The following ZDHHC20 variants were observed in gnomAD, a reference collection of about 807,000 sequenced individuals.
ZDHHC20 encodes the protein zDHHC palmitoyltransferase 20.
ZDHHC20 carries 43 observed loss-of-function variants against 57.8 expected under a neutral mutation model. The observed-to-expected ratio is 0.74, with a 90% CI of 0.58 to 0.96. The LOEUF is 0.96. Ranked by LOEUF, ZDHHC20 falls within the 40% of genes least tolerant of loss-of-function variation. The pLI is 0.00. For missense variants in ZDHHC20, 391 were observed against 441.1 expected (o/e 0.89, Z 1.02); for synonymous variants, 157 against 153.0 (o/e 1.03, Z -0.19).
intron 2 of ZDHHC20, among the ~76,000 whole-genome samples, chr13:21,424,787 A>G (rs1285043557): frequency 6.6e-6 from 1 of 151,808 alleles, no homozygotes; most frequent in East Asian, 1.9e-4. Flanking sequence ...AAGTTCTTTT[A>G]TAAGAACTTC....
At chr13:21,451,045 T>C (rs1884393252) in intron 1 of ZDHHC20, among the ~76,000 whole-genome samples, 2 of 152,236 alleles carry the variant, frequency 1.3e-5, no homozygotes, top group African/African-American at 4.8e-5. Flanking sequence ...TGAATCACCA[T>C]GCCTGGCCAA....
At chr13:21,386,610 AC>A (rs1303054781) in intron 9 of ZDHHC20, among the ~76,000 whole-genome samples, 4 of 152,170 alleles carry the variant, frequency 2.6e-5, no homozygotes, top group Admixed American at 6.5e-5. Context: ...ATGTGTTGGC[AC>A]CATCTCAGCT....
chr13:21,426,957 A>G (rs574686827), intron 1 of ZDHHC20, among the ~76,000 whole-genome samples: 1 of 152,094 alleles, frequency 6.6e-6, no homozygotes, highest in African/African-American at 2.4e-5. Flanking sequence ...TAATTATTCT[A>G]AACAAATTGT....
chr13:21,419,256 C>G (rs777717632), intron 3 of ZDHHC20, among the ~76,000 whole-genome samples: 1 of 150,268 alleles, frequency 6.7e-6, no homozygotes, highest in Admixed American at 6.6e-5. Flanking sequence ...TTATAGTTTA[C>G]TTTACCTTTT....
At chr13:21,392,634 A>G (rs1334328219) in intron 7 of ZDHHC20, among the ~76,000 whole-genome samples, 1 of 152,252 alleles carries the variant, frequency 6.6e-6, no homozygotes, top group Non-Finnish European at 1.5e-5. Flanking sequence ...AGAGCCTAGA[A>G]GAAATTAGTA....
intron 10 of ZDHHC20, chr13:21,381,842 C>G (rs536204811): frequency 1.4e-4 from 78 of 572,412 alleles, no homozygotes; most frequent in African/African-American, 1.3e-3. Flanking sequence ...TAATCAGGAG[C>G]CATAGGTAGT....
rs148393703 is a variant in ZDHHC20 at position 21,416,429 on chromosome 13, C to T, written c.250-2657G>A. Among the ~76,000 whole-genome samples, 704 of 152,144 alleles carry T rather than the reference C, an allele frequency of 4.6e-3. 5 individuals are homozygous for T. The highest frequency in any genetic ancestry group is 0.024 in the Middle Eastern group (7 of 294). On this transcript the variant is annotated intron_variant, in intron 3 of 12. Coordinates refer to ENST00000400590, the MANE Select transcript of ZDHHC20 (RefSeq NM_001330059.2). ...TATTGTCTTAAATTCAGTGTTCAGA[C>T]AGTTCTATTTAAATATATATTAAAT...
intron 3 of ZDHHC20, among the ~76,000 whole-genome samples, chr13:21,414,083 A>G (rs1879597044): frequency 2.0e-5 from 3 of 152,170 alleles, no homozygotes; most frequent in Admixed American, 6.5e-5. Flanking sequence ...ATTAGTAAAA[A>G]TTTTAGTTGT....
At chr13:21,399,341 T>C (rs1877287015) in intron 7 of ZDHHC20, among the ~76,000 whole-genome samples, 2 of 151,504 alleles carry the variant, frequency 1.3e-5, no homozygotes, top group South Asian at 4.2e-4. Context: ...CAAGATTCCG[T>C]CTCAAATAAA....
intron 1 of ZDHHC20, among the ~76,000 whole-genome samples, chr13:21,455,529 ATTAC>A (rs1363909617): frequency 6.6e-6 from 1 of 152,046 alleles, no homozygotes; most frequent in African/African-American, 2.4e-5. Flanking sequence ...AATATTACTA[ATTAC>A]TTAATCTTCG....
rs138878234 is a variant in ZDHHC20, at chr13:21,402,470, T to C, written c.440+327A>G. On this transcript the variant is annotated intron_variant, in intron 5 of 12. Coordinates refer to ENST00000400590, the MANE Select transcript of ZDHHC20 (RefSeq NM_001330059.2). ...TAACTGTGTTACTAAAAGTCAAGGA[T>C]TATCTGGGATTCCAAACTAACGATC... is the stretch of plus-strand genomic sequence containing the variant. 6.0e-3 allele frequency among the ~76,000 whole-genome samples: 914 copies of C among 152,250 alleles called. 7 individuals are homozygous for C. Among genetic ancestry groups the C allele is most frequent in the African/African-American group, 0.021 (855 of 41,536 alleles).
intron 2 of ZDHHC20, among the ~76,000 whole-genome samples, chr13:21,424,101 G>A (rs1243387159): frequency 6.6e-6 from 1 of 152,042 alleles, no homozygotes; most frequent in Admixed American, 6.6e-5. Context: ...CTTAACACGA[G>A]ACCTAGAATA....
chr13:21,419,171 T>C (rs943605586), intron 3 of ZDHHC20, among the ~76,000 whole-genome samples: 3 of 152,256 alleles, frequency 2.0e-5, no homozygotes, highest in African/African-American at 7.2e-5. Context: ...GGATAGTTTG[T>C]AACATAACTT....
At chr13:21,423,323 T>G (rs1880852500) in intron 2 of ZDHHC20, among the ~76,000 whole-genome samples, 1 of 152,230 alleles carries the variant, frequency 6.6e-6, no homozygotes, top group Admixed American at 6.5e-5. Context: ...CAAAATCTGC[T>G]CTCTCTATCC....
At chr13:21,387,058 G>T (rs1009329974) in intron 9 of ZDHHC20, among the ~76,000 whole-genome samples, 1 of 152,118 alleles carries the variant, frequency 6.6e-6, no homozygotes, top group African/African-American at 2.4e-5. Flanking sequence ...GGAAAGAAAT[G>T]GAAACTATCA....
At chr13:21,425,798 T>C in intron 1 of ZDHHC20, 120 bp from the exon 2 acceptor site, 1 of 676,160 alleles carries the variant, frequency 1.5e-6, no homozygotes, top group Non-Finnish European at 2.0e-6. Context: ...AGTTATAAAT[T>C]GTAGACACTA....
At chr13:21,408,779 G>A (rs1430690662) in intron 4 of ZDHHC20, among the ~76,000 whole-genome samples, 5 of 152,134 alleles carry the variant, frequency 3.3e-5, no homozygotes, top group Non-Finnish European at 5.9e-5. Flanking sequence ...ATTTTGAGAT[G>A]CGTTCCATCA....
At chr13:21,377,049 G>A in intron 12 of ZDHHC20, 1 of 161,484 alleles carries the variant, frequency 6.2e-6, no homozygotes. Context: ...AATTATTTCT[G>A]CCCACATTAA....
At chr13:21,414,135 G>A (rs1470823956) in intron 3 of ZDHHC20, among the ~76,000 whole-genome samples, 2 of 151,648 alleles carry the variant, frequency 1.3e-5, no homozygotes, top group East Asian at 3.9e-4. Context: ...TTGCAAGAAT[G>A]TCCAAAGATT....
Sources: gnomAD v4.1 joint callset for allele counts (sites outside exome capture counted in the v4.1 genomes callset) on GRCh38, gnomAD v4.1.1 for gene constraint, MANE v1.5 for transcripts, NCBI Gene and HGNC (gene_info 2026-07-23, HGNC 2026-07-21) for gene names.